Variants in SEH1L observed in about 807,000 individuals in gnomAD.
SEH1L encodes SEH1 like nucleoporin.
Under a neutral mutation model 49.5 loss-of-function variants are expected in SEH1L, and 18 were observed. The ratio of observed to expected loss-of-function variants is 0.36; its 90% CI spans 0.25 to 0.54. SEH1L has a LOEUF of 0.54. SEH1L is among the 20% of genes least tolerant of loss of function. SEH1L has a pLI of 0.87. For synonymous variants in SEH1L, 169 were observed against 178.1 expected (o/e 0.95, Z 0.41); for missense variants, 404 against 528.8 (o/e 0.76, Z 2.31).
At chr18:12,953,009 T>G (rs965453385) in intron 2 of SEH1L, among the ~76,000 whole-genome samples, 1 of 152,178 alleles carries the variant, frequency 6.6e-6, no homozygotes, top group Non-Finnish European at 1.5e-5. Flanking sequence ...CTCGAACTCC[T>G]GACCTCAAGT....
At position 12,982,510 on chromosome 18, in the gene SEH1L, AT is replaced by A. The variant is rs2032310924; in HGVS notation, c.762-6del. 6.2e-7 allele frequency: 1 copy of A among 1,600,864 alleles called. No individual in the cohort carries two copies. Among genetic ancestry groups the A allele is most frequent in the African/African-American group, 1.3e-5 (1 of 74,088 alleles). ...TGGAATGCCTCAGAAAATGTTTTTT[AT>A]TAACAGGAAAGAACTGACTTCCTCT... On this transcript the variant is annotated splice_region_variant and splice_polypyrimidine_tract_variant and intron_variant, in intron 6 of 8. Coordinates refer to ENST00000399892, the MANE Select transcript of SEH1L (RefSeq NM_001013437.2).
At chr18:12,956,323 T>C (rs777695284) in intron 3 of SEH1L, among the ~76,000 whole-genome samples, 9 of 152,016 alleles carry the variant, frequency 5.9e-5, no homozygotes, top group Non-Finnish European at 8.8e-5. Context: ...ATTACAGGCG[T>C]GAGCCACCAC....
intron 5 of SEH1L, chr18:12,974,100 A>G (rs1158008408): frequency 6.6e-6 from 1 of 151,732 alleles, no homozygotes; most frequent in Non-Finnish European, 1.5e-5. Context: ...GAGTGTCTGC[A>G]GGTGGGGGTG....
chr18:12,978,710 ATTT>A, intron 5 of SEH1L, 39 bp from the exon 6 acceptor site: 1 of 1,566,274 alleles, frequency 6.4e-7, no homozygotes, highest in Non-Finnish European at 8.7e-7. Context: ...ATTTTTGCAC[ATTT>A]TATTTCTAAA....
Position 12,971,147 on chromosome 18 carries a change from T to G in SEH1L, c.522-6T>G. ...TATCTAAAATGTTCTTTCTCCCCGT[T>G]TCTAGCTCTCGTGCTCATTCCCCCA... is the stretch of plus-strand genomic sequence containing the variant. On this transcript the variant is annotated splice_region_variant and splice_polypyrimidine_tract_variant and intron_variant, in intron 4 of 8. Coordinates refer to ENST00000399892, the MANE Select transcript of SEH1L (RefSeq NM_001013437.2). The G allele has an allele frequency of 6.2e-7, 1 of 1,602,558 alleles. No individual in the cohort carries two copies. Among genetic ancestry groups the G allele is most frequent in the Non-Finnish European group, 8.5e-7 (1 of 1,169,648 alleles).
intron 3 of SEH1L, 74 bp from the exon 4 acceptor site, chr18:12,963,086 A>C (rs2031268701): frequency 1.9e-6 from 2 of 1,051,592 alleles, no homozygotes; most frequent in East Asian, 5.2e-5. Context: ...GTGATTCCAG[A>C]GTCTGTGTGT....
intron 8 of SEH1L, chr18:12,986,077 C>T (rs1332265678): frequency 1.0e-6 from 1 of 984,240 alleles, no homozygotes; most frequent in Non-Finnish European, 1.2e-6. Context: ...TTAAGAGAAG[C>T]CATTAAAATT....
chr18:12,974,992 T>A (rs2031856610), intron 5 of SEH1L, among the ~76,000 whole-genome samples: 1 of 148,300 alleles, frequency 6.7e-6, no homozygotes, highest in East Asian at 2.1e-4. Flanking sequence ...TTTTTATTTT[T>A]ATTTTATTTT....
At chr18:12,968,927 T>G (rs866561498) in intron 4 of SEH1L, among the ~76,000 whole-genome samples, 3 of 152,180 alleles carry the variant, frequency 2.0e-5, no homozygotes, top group Non-Finnish European at 1.5e-5. Flanking sequence ...TTAAAAATAT[T>G]TTTAAGGCCA....
rs914641248 is a variant in SEH1L, at chr18:12,951,999, T to C, written c.162+94T>C. 22 of 670,298 alleles carry C rather than the reference T, an allele frequency of 3.3e-5. No homozygotes were observed. The African/African-American group carries it at 3.5e-4, about 11-fold the overall frequency. The allele number at this position is 670,298 out of a possible 1,614,324, so 41.5% of individuals were successfully genotyped here. ...AATTGTTTTGAGAAAATAACATTTA[T>C]ACAGTAGTTCTTTTCCTGGGAAGAC... On this transcript the variant is annotated intron_variant, in intron 2 of 8. Coordinates refer to ENST00000399892, the MANE Select transcript of SEH1L (RefSeq NM_001013437.2).
chr18:12,976,408 G>A (rs2031921152), intron 5 of SEH1L: 1 of 152,308 alleles, frequency 6.6e-6, no homozygotes, highest in African/African-American at 2.4e-5. Context: ...GCCTCCACAA[G>A]GGCGGGACCA....
intron 8 of SEH1L, chr18:12,986,310 T>C: frequency 2.0e-6 from 2 of 985,552 alleles, no homozygotes; most frequent in Non-Finnish European, 1.2e-6. Flanking sequence ...CTTTTACTTA[T>C]CAAAATTTGG....
rs752548941 is a variant in SEH1L, at chr18:12,955,617, A to G, written c.309+8A>G. The G allele has an allele frequency of 1.2e-6, 2 of 1,613,584 alleles. No individual in the cohort carries two copies. The highest frequency in any genetic ancestry group is 1.7e-6 in the Non-Finnish European group (2 of 1,179,582). ...CGAGGACAGAGCCACTGGGTGAGAC[A>G]TTTATTAGTATTCTGGGGACCGGGA... On this transcript the variant is annotated splice_region_variant and intron_variant, in intron 3 of 8. Coordinates refer to ENST00000399892, the MANE Select transcript of SEH1L (RefSeq NM_001013437.2).
At chr18:12,951,517 A>C (rs975121515) in intron 1 of SEH1L, among the ~76,000 whole-genome samples, 12 of 152,134 alleles carry the variant, frequency 7.9e-5, no homozygotes, top group Non-Finnish European at 1.6e-4. Context: ...CAGCCTCCCT[A>C]GTAGCTGGGA....
intron 6 of SEH1L, among the ~76,000 whole-genome samples, chr18:12,981,037 G>A (rs1452029622): frequency 2.0e-5 from 3 of 149,988 alleles, no homozygotes; most frequent in Non-Finnish European, 4.4e-5. Context: ...TGTGGCTGCC[G>A]GGCGGAGGGG....
chr18:12,976,679 A>G (rs1347750028), intron 5 of SEH1L: 1 of 152,166 alleles, frequency 6.6e-6, no homozygotes, highest in African/African-American at 2.4e-5. Context: ...AACCATGCAT[A>G]TTCTGGCCGG....
chr18:12,981,660 T>C lies in SEH1L; in HGVS notation c.762-858T>C, dbSNP rs531163858. 3.9e-5 allele frequency among the ~76,000 whole-genome samples: 6 copies of C among 152,316 alleles called. No homozygotes were observed. The South Asian group carries it at 8.3e-4, about 21-fold the overall frequency. On this transcript the variant is annotated intron_variant, in intron 6 of 8. Coordinates refer to ENST00000399892, the MANE Select transcript of SEH1L (RefSeq NM_001013437.2). ...TCTCTTAACTGTGCTTTATTTAGGCTGAAACTAACAATTCTCCAAATATAA... is the reference window on the plus strand; with the variant it reads ...TCTCTTAACTGTGCTTTATTTAGGCCGAAACTAACAATTCTCCAAATATAA...
intron 3 of SEH1L, 38 bp from the exon 4 acceptor site, chr18:12,963,122 T>G (rs1317737410): frequency 2.0e-6 from 3 of 1,469,520 alleles, no homozygotes; most frequent in Non-Finnish European, 1.9e-6. Flanking sequence ...ATGCTTTCTT[T>G]TTGTATATAA....
At chr18:12,962,459 C>CT (rs3070220) in intron 3 of SEH1L, among the ~76,000 whole-genome samples, 17,055 of 63,132 alleles carry the variant, frequency 0.27, 5,421 homozygotes, top group Non-Finnish European at 0.31. Flanking sequence ...GCATGCCTTT[C>CT]TTTTTTTTTT....
Sources: gnomAD v4.1 joint callset for allele counts (sites outside exome capture counted in the v4.1 genomes callset) on GRCh38, gnomAD v4.1.1 for gene constraint, MANE v1.5 for transcripts, NCBI Gene and HGNC (gene_info 2026-07-23, HGNC 2026-07-21) for gene names.